Variants in SIPA1L1 observed in about 807,000 individuals in gnomAD.
SIPA1L1 encodes signal induced proliferation associated 1 like 1.
A neutral mutation model predicts 162.7 loss-of-function variants in SIPA1L1; 26 were observed. That is an observed-to-expected ratio of 0.16 (90% confidence interval 0.12 to 0.22). The LOEUF is 0.22. SIPA1L1 is among the 10% of genes least tolerant of loss of function. The pLI is 1.00. For synonymous variants in SIPA1L1, 829 were observed against 837.4 expected, an observed-to-expected ratio of 0.99 and a Z score of 0.17; for missense variants, 1,874 against 2,241.0, an observed-to-expected ratio of 0.84 and a Z score of 3.31.
rs75835596 is a variant in SIPA1L1 at position 71,595,030 on chromosome 14, G to A, written c.1498+5660G>A. 9.6e-3 allele frequency among the ~76,000 whole-genome samples: 1,457 copies of A among 152,304 alleles called. 12 individuals are homozygous for A. Among genetic ancestry groups the A allele is most frequent in the Admixed American group, 0.013 (193 of 15,302 alleles). On this transcript the variant is annotated intron_variant, in intron 5 of 23. Coordinates refer to ENST00000381232, the MANE Select transcript of SIPA1L1 (RefSeq NM_001386936.1). The stretch of plus-strand genomic sequence containing the variant: ...GTCCCAGCGTGGCTCAGCTGCAAGC[G>A]TGGCTCAGCTGCACCCTGATCTGGA...
chr14:71,379,541 C>T (rs894036024), intron 2 of SIPA1L1: 1 of 152,224 alleles, frequency 6.6e-6, no homozygotes, highest in Admixed American at 6.5e-5. Flanking sequence ...AAGCGAGCCT[C>T]CTACCTCAGC....
intron 2 of SIPA1L1, among the ~76,000 whole-genome samples, chr14:71,460,416 A>G (rs1483888858): frequency 6.6e-6 from 1 of 152,164 alleles, no homozygotes; most frequent in East Asian, 1.9e-4. Flanking sequence ...GAGACGCCCT[A>G]ATGGATCTCC....
intron 3 of SIPA1L1, among the ~76,000 whole-genome samples, chr14:71,515,859 C>T (rs1018520689): frequency 6.6e-6 from 1 of 152,184 alleles, no homozygotes; most frequent in Non-Finnish European, 1.5e-5. Flanking sequence ...CCAGGCTGGT[C>T]TTGAGCTCCT....
At chr14:71,573,737 C>A (rs1437570732) in intron 4 of SIPA1L1, 1 of 456,684 alleles carries the variant, frequency 2.2e-6, no homozygotes, top group Non-Finnish European at 4.4e-6. Context: ...TAAAATGAAA[C>A]AATATCCATT....
chr14:71,377,461 C>T lies in SIPA1L1; in HGVS notation c.-465+56280C>T, dbSNP rs545599617. On this transcript the variant is annotated intron_variant, in intron 2 of 23. Coordinates refer to ENST00000381232, the MANE Select transcript of SIPA1L1 (RefSeq NM_001386936.1). The surrounding 1 kb of genome is among the most constrained non-coding windows in gnomAD (Gnocchi z 4.8). ...GATGCTCCTCACTTCCCAGACTGGG[C>T]GGCCAGGCAGAGACGCTCCTCACTT... Among the ~76,000 whole-genome samples the T allele has an allele frequency of 8.6e-5, 13 of 151,594 alleles. No individual in the cohort carries two copies. The highest frequency in any genetic ancestry group is 2.1e-4 in the South Asian group (1 of 4,800).
intron 4 of SIPA1L1, among the ~76,000 whole-genome samples, chr14:71,582,776 C>G (rs1319189766): frequency 6.6e-6 from 1 of 152,168 alleles, no homozygotes; most frequent in Non-Finnish European, 1.5e-5. Context: ...AACTGTTTTT[C>G]TCAACTCTTC....
intron 2 of SIPA1L1, among the ~76,000 whole-genome samples, chr14:71,502,925 A>G (rs1490913391): frequency 6.6e-6 from 1 of 152,200 alleles, no homozygotes; most frequent in African/African-American, 2.4e-5. Context: ...ATCAGAAAAT[A>G]TTATCTCCAT....
Position 71,385,270 on chromosome 14 carries a change from T to C in SIPA1L1, c.-465+64089T>C, listed in dbSNP as rs370999599. On this transcript the variant is annotated intron_variant, in intron 2 of 23. Coordinates refer to ENST00000381232, the MANE Select transcript of SIPA1L1 (RefSeq NM_001386936.1). ...GGTCATAACTCACAATTTTACTGACTCTGATTATTCTGGGGACCATAGGCC... is the reference window on the plus strand; with the variant it reads ...GGTCATAACTCACAATTTTACTGACCCTGATTATTCTGGGGACCATAGGCC... 2.3e-4 allele frequency among the ~76,000 whole-genome samples: 35 copies of C among 152,274 alleles called. No homozygotes were observed. The South Asian group carries it at 7.3e-3, about 32-fold the overall frequency.
At position 71,588,554 on chromosome 14, in the gene SIPA1L1, G is replaced by T; in HGVS notation, c.682G>T (p.Gly228Cys). Residue 228 changes from glycine to cysteine, a missense_variant, in exon 5 of 24, where the codon GGC becomes TGC. Around this residue, in one of 5 missense-constraint regions of SIPA1L1, gnomAD observed 685 missense variants for 828.0 expected, o/e 0.83. Coordinates refer to ENST00000381232, the MANE Select transcript of SIPA1L1 (RefSeq NM_001386936.1). This position sits in a 1 kb window ranked among gnomAD's most constrained non-coding sequence, Gnocchi z 4.3. The stretch of plus-strand genomic sequence containing the variant: ...AGAAAGCTTTTTTGATTTGTTAAAG[G>T]GCTACAAAGATGACAAATCTGATCG... ...SGESFFDLLKGYKDDKSDRGP... is the reference protein window; with the variant it reads ...SGESFFDLLKCYKDDKSDRGP... 3.1e-6 allele frequency: 5 copies of T among 1,613,990 alleles called. No individual in the cohort carries two copies. The highest frequency in any genetic ancestry group is 4.2e-6 in the Non-Finnish European group (5 of 1,179,946).
At chr14:71,505,254 A>T (rs2050564016) in intron 2 of SIPA1L1, among the ~76,000 whole-genome samples, 1 of 152,114 alleles carries the variant, frequency 6.6e-6, no homozygotes, top group Non-Finnish European at 1.5e-5. Flanking sequence ...TTTAATAAGC[A>T]GTTCTCTGTG....
intron 10 of SIPA1L1, 52 bp from the exon 11 acceptor site, chr14:71,671,067 G>A: frequency 2.9e-6 from 4 of 1,382,266 alleles, no homozygotes; most frequent in Admixed American, 4.4e-5. Context: ...TTATTCTGAT[G>A]TTGTGAGACT....
intron 2 of SIPA1L1, among the ~76,000 whole-genome samples, chr14:71,327,496 AAGAG>A (rs1401506918): frequency 5.3e-5 from 8 of 152,188 alleles, no homozygotes; most frequent in Non-Finnish European, 1.2e-4. Flanking sequence ...TGTCTTCAGG[AAGAG>A]AGAGTCTGCT....
intron 5 of SIPA1L1, among the ~76,000 whole-genome samples, chr14:71,608,234 T>C (rs537566937): frequency 3.3e-5 from 5 of 152,336 alleles, no homozygotes; most frequent in Non-Finnish European, 5.9e-5. Flanking sequence ...TAGATTTTGC[T>C]AAGTGTTTGG....
intron 2 of SIPA1L1, among the ~76,000 whole-genome samples, chr14:71,416,808 TC>T (rs2042804830): frequency 6.6e-6 from 1 of 152,000 alleles, no homozygotes; most frequent in East Asian, 1.9e-4. Flanking sequence ...CCTTATTAAA[TC>T]CATCATTCTT....
chr14:71,352,989 T>A (rs2036869262), intron 2 of SIPA1L1, among the ~76,000 whole-genome samples: 1 of 152,214 alleles, frequency 6.6e-6, no homozygotes, highest in African/African-American at 2.4e-5. Flanking sequence ...GATGGAAATG[T>A]TCTGTATTTT....
intron 2 of SIPA1L1, among the ~76,000 whole-genome samples, chr14:71,399,046 G>A (rs1381157747): frequency 6.6e-6 from 1 of 152,196 alleles, no homozygotes; most frequent in African/African-American, 2.4e-5. Context: ...AGCTTTCATT[G>A]AGGAGTGGCA....
At chr14:71,619,538 C>G (rs574293041) in intron 6 of SIPA1L1, among the ~76,000 whole-genome samples, 90 of 151,746 alleles carry the variant, frequency 5.9e-4, no homozygotes, top group African/African-American at 2.2e-3. Flanking sequence ...AAAAAGAACC[C>G]ACACAGCATT....
intron 2 of SIPA1L1, among the ~76,000 whole-genome samples, chr14:71,480,943 T>C (rs528243710): frequency 6.4e-4 from 98 of 152,348 alleles, no homozygotes; most frequent in Non-Finnish European, 7.9e-4. Context: ...CAATTTAAAG[T>C]GAGCATTTTA....
chr14:71,592,999 T>C (rs547177167), intron 5 of SIPA1L1, among the ~76,000 whole-genome samples: 4 of 152,284 alleles, frequency 2.6e-5, no homozygotes, highest in South Asian at 2.1e-4. Context: ...CTAACATGCA[T>C]CATGTTACTT....
Sources: gnomAD v4.1 joint callset for allele counts (sites outside exome capture counted in the v4.1 genomes callset) on GRCh38, gnomAD v4.1.1 for gene constraint, gnomAD v4.1.1 regional missense constraint, Gnocchi (gnomAD v3.1) non-coding constraint, MANE v1.5 for transcripts, NCBI Gene and HGNC (gene_info 2026-07-23, HGNC 2026-07-21) for gene names.